FKBP7: variants seen among roughly 807,000 people sequenced by gnomAD.
The protein encoded by FKBP7 is FKBP prolyl isomerase 7.
In FKBP7, 24 loss-of-function variants were observed where a neutral mutation model predicts 24.3. That is an observed-to-expected ratio of 0.99 (90% confidence interval 0.72 to 1.39). The LOEUF (loss-of-function observed/expected upper bound fraction) is 1.39, where lower values mean the gene tolerates loss of function less well. Ranked by LOEUF, FKBP7 falls within the 40% of genes most tolerant of loss-of-function variation. FKBP7 has a pLI of 0.00. For missense variants in FKBP7, 257 were observed against 269.5 expected, an observed-to-expected ratio of 0.95 and a Z score of 0.33; for synonymous variants, 98 against 92.8, an observed-to-expected ratio of 1.06 and a Z score of -0.32.
intron 2 of FKBP7, among the ~76,000 whole-genome samples, 172 bp from the exon 3 acceptor site, chr2:178,469,957 GTTTTC>G (rs1559376916): frequency 1.3e-5 from 2 of 149,752 alleles, no homozygotes; most frequent in African/African-American, 2.5e-5. Flanking sequence ...CTTTTCAATA[GTTTTC>G]TTTTTTGTTT....
At chr2:178,467,976 A>C (rs1684724257) in intron 3 of FKBP7, 1 of 152,248 alleles carries the variant, frequency 6.6e-6, no homozygotes, top group African/African-American at 2.4e-5. Flanking sequence ...CCTTCTTCTT[A>C]AGAACAGGAC....
intron 2 of FKBP7, 136 bp downstream of exon 2, chr2:178,476,926 A>G: frequency 3.2e-6 from 2 of 628,244 alleles, no homozygotes; most frequent in South Asian, 2.3e-5. Flanking sequence ...TCTATTGTAC[A>G]TGGCTGCTAT....
intron 2 of FKBP7, among the ~76,000 whole-genome samples, chr2:178,470,308 C>G (rs1485354335): frequency 6.6e-6 from 1 of 152,112 alleles, no homozygotes; most frequent in African/African-American, 2.4e-5. Flanking sequence ...TATAAGTAAT[C>G]TAGAGATAAT....
intron 1 of FKBP7, 85 bp downstream of exon 1, chr2:178,478,194 C>T: frequency 1.3e-6 from 2 of 1,508,366 alleles, no homozygotes; most frequent in Non-Finnish European, 1.8e-6. Context: ...AAACCCCAAC[C>T]AACCAACCAA....
intron 2 of FKBP7, among the ~76,000 whole-genome samples, chr2:178,471,309 A>G (rs1337121477): frequency 2.0e-5 from 3 of 151,772 alleles, no homozygotes; most frequent in Non-Finnish European, 4.4e-5. Flanking sequence ...TCCCAGGTTC[A>G]AGCAATTCTC....
At chr2:178,471,540 G>A (rs1194724224) in intron 2 of FKBP7, among the ~76,000 whole-genome samples, 2 of 152,156 alleles carry the variant, frequency 1.3e-5, no homozygotes, top group African/African-American at 2.4e-5. Flanking sequence ...TTTAATAAGT[G>A]ATGGGCTATT....
At chr2:178,470,714 C>T (rs547546479) in intron 2 of FKBP7, among the ~76,000 whole-genome samples, 6 of 150,834 alleles carry the variant, frequency 4.0e-5, no homozygotes, top group East Asian at 1.9e-4. Flanking sequence ...TCTGGGAGAC[C>T]GAGACAGGAG....
chr2:178,470,012 T>G (rs779208912), intron 2 of FKBP7, among the ~76,000 whole-genome samples: 17 of 152,134 alleles, frequency 1.1e-4, no homozygotes, highest in Non-Finnish European at 2.5e-4. Flanking sequence ...TTAGGAATAT[T>G]TTTTCCATAT....
At chr2:178,477,398 A>G (rs937225070) in intron 1 of FKBP7, among the ~76,000 whole-genome samples, 185 bp from the exon 2 acceptor site, 2 of 152,212 alleles carry the variant, frequency 1.3e-5, no homozygotes, top group African/African-American at 4.8e-5. Context: ...TGATTTGCCC[A>G]AAGTTAATCA....
rs6734167 is a variant in FKBP7, at chr2:178,474,474, C to T, written c.373+2588G>A. 7.4e-3 allele frequency among the ~76,000 whole-genome samples: 1,123 copies of T among 152,280 alleles called. 16 individuals are homozygous for T. The highest frequency in any genetic ancestry group is 0.026 in the African/African-American group (1,065 of 41,536). Reference sequence around the variant, plus strand: ...AATCTTCTCATCCTTGACCCTGAGGCCTCCTTCCCAGGAACACTTAATGTC... The same window carrying T: ...AATCTTCTCATCCTTGACCCTGAGGTCTCCTTCCCAGGAACACTTAATGTC... On this transcript the variant is annotated intron_variant, in intron 2 of 3. Coordinates refer to ENST00000424785, the MANE Select transcript of FKBP7 (RefSeq NM_181342.3).
At chr2:178,468,125 CTT>C (rs991374234) in intron 3 of FKBP7, among the ~76,000 whole-genome samples, 3 of 152,150 alleles carry the variant, frequency 2.0e-5, no homozygotes, top group Admixed American at 6.5e-5. Flanking sequence ...GAGAAAAAGA[CTT>C]ATTTTTATTA....
intron 3 of FKBP7, among the ~76,000 whole-genome samples, chr2:178,468,298 G>A (rs1048589324): frequency 6.6e-6 from 1 of 152,084 alleles, no homozygotes. Context: ...TCAATAAATA[G>A]TATTAGACTT....
intron 2 of FKBP7, among the ~76,000 whole-genome samples, chr2:178,474,542 A>G (rs919614274): frequency 1.3e-5 from 2 of 151,832 alleles, no homozygotes; most frequent in African/African-American, 4.8e-5. Flanking sequence ...CTGTGTAGAT[A>G]CATGCATATG....
intron 2 of FKBP7, among the ~76,000 whole-genome samples, chr2:178,472,548 CACTGTAACCT>C (rs1684877299): frequency 6.6e-6 from 1 of 151,770 alleles, no homozygotes; most frequent in South Asian, 2.1e-4. Context: ...GATCTCGGCT[CACTGTAACCT>C]CTGCCTCCCA....
At chr2:178,472,619 C>T (rs902418729) in intron 2 of FKBP7, among the ~76,000 whole-genome samples, 5 of 151,598 alleles carry the variant, frequency 3.3e-5, no homozygotes, top group Non-Finnish European at 5.9e-5. Flanking sequence ...GCCAGGAGGG[C>T]GAGATCAGCC....
At position 178,465,469 on chromosome 2, in the gene FKBP7, C is replaced by T. The variant is rs1684626478; in HGVS notation, c.*301G>A. 1 of 199,958 alleles carries T rather than the reference C, an allele frequency of 5.0e-6. No homozygotes were observed. Among genetic ancestry groups the T allele is most frequent in the African/African-American group, 2.3e-5 (1 of 43,416 alleles). The allele number at this position is 199,958 out of a possible 1,614,324, so 12.4% of individuals were successfully genotyped here. A position where few individuals can be genotyped will look rare whatever the true frequency, so the allele number is the denominator to read the frequency against. Reference sequence around the variant, plus strand: ...GGAAAAGCTTGCAGTTTTTGACATACTATACATGTCCTCCTACATCCTGAA... The same window carrying T: ...GGAAAAGCTTGCAGTTTTTGACATATTATACATGTCCTCCTACATCCTGAA... On this transcript the variant is annotated 3_prime_UTR_variant, in exon 4 of 4. Coordinates refer to ENST00000424785, the MANE Select transcript of FKBP7 (RefSeq NM_181342.3).
At chr2:178,471,062 A>T (rs1395250489) in intron 2 of FKBP7, among the ~76,000 whole-genome samples, 1 of 151,882 alleles carries the variant, frequency 6.6e-6, no homozygotes, top group Admixed American at 6.6e-5. Flanking sequence ...ATGGGGTTTC[A>T]CTATGTTGGC....
chr2:178,469,611 TA>T (rs766964996), intron 3 of FKBP7, 40 bp downstream of exon 3: 13 of 1,607,600 alleles, frequency 8.1e-6, no homozygotes, highest in Non-Finnish European at 1.1e-5. Flanking sequence ...TAAACTGTGA[TA>T]AAAAAATTAG....
At chr2:178,476,105 T>A (rs981337807) in intron 2 of FKBP7, among the ~76,000 whole-genome samples, 1 of 152,188 alleles carries the variant, frequency 6.6e-6, no homozygotes, top group Admixed American at 6.5e-5. Context: ...TATGTAATAA[T>A]AACATATGCT....
Sources: gnomAD v4.1 joint callset for allele counts (sites outside exome capture counted in the v4.1 genomes callset) on GRCh38, gnomAD v4.1.1 for gene constraint, MANE v1.5 for transcripts, NCBI Gene and HGNC (gene_info 2026-07-23, HGNC 2026-07-21) for gene names.